The following LHX8 variants were observed in gnomAD, a reference collection of about 807,000 sequenced individuals.
LHX8 encodes the protein LIM/homeobox protein Lhx8.
In LHX8, 12 loss-of-function variants were observed where a neutral mutation model predicts 40.3. The ratio of observed to expected loss-of-function variants is 0.30; its 90% CI spans 0.19 to 0.48. The LOEUF is 0.48. Among genes scored for constraint, LHX8 ranks in the 20% least tolerant of loss-of-function variants. The probability of loss-of-function intolerance (pLI) is 0.99; values close to 1 mark genes in which losing one functional copy is unlikely to be tolerated. For missense variants in LHX8, 344 were observed against 433.7 expected (o/e 0.79, Z 1.84); for synonymous variants, 179 against 162.0 (o/e 1.10, Z -0.80).
At chr1:75,186,444 G>C in the LHX8 span, among the ~76,000 whole-genome samples, 2 of 152,178 alleles carry the variant, frequency 1.3e-5, no homozygotes, top group African/African-American at 4.8e-5. Flanking sequence ...ATGGGGAAAG[G>C]ACTCCCTATT....
intron 4 of LHX8, among the ~76,000 whole-genome samples, chr1:75,142,027 A>G (rs1183302917): frequency 6.6e-6 from 1 of 152,154 alleles, no homozygotes; most frequent in Non-Finnish European, 1.5e-5. Flanking sequence ...TAATTACCAA[A>G]AAAGCATATT....
the LHX8 span, among the ~76,000 whole-genome samples, chr1:75,181,810 G>C: frequency 6.6e-6 from 1 of 152,240 alleles, no homozygotes; most frequent in South Asian, 2.1e-4. Flanking sequence ...GACCGGAGCT[G>C]TTCCTGTTCG....
At chr1:75,149,420 G>C (rs1648546187) in intron 7 of LHX8, among the ~76,000 whole-genome samples, 1 of 152,224 alleles carries the variant, frequency 6.6e-6, no homozygotes, top group South Asian at 2.1e-4. Flanking sequence ...GGAGTTGGGA[G>C]AGACTAGATA....
chr1:75,155,328 A>G (rs142490194), intron 7 of LHX8, among the ~76,000 whole-genome samples: 1,495 of 132,728 alleles, frequency 0.011, 21 homozygotes, highest in African/African-American at 0.04. Context: ...TCCACCTCCC[A>G]GGTTCACTCC....
chr1:75,143,921 G>T lies in LHX8; in HGVS notation c.657G>T (p.Arg219=). The change falls in exon 6 of 9, where the codon CGG becomes CGT. Residue 219 remains arginine, a synonymous_variant. Transcript: ENST00000356261. ...ATCCAAAACCAGCAAAAAGAGCTCG[G>T]ACCAGCTTTACAGCAGATCAGCTTC... ...VNHPKPAKRA[R]TSFTADQLQV... is the part of the protein sequence containing the mutation. The T allele has an allele frequency of 6.2e-7, 1 of 1,613,234 alleles. No homozygotes were observed. The highest frequency in any genetic ancestry group is 8.5e-7 in the Non-Finnish European group (1 of 1,179,410).
chr1:75,192,292 G>T, the LHX8 span, among the ~76,000 whole-genome samples: 1 of 152,318 alleles, frequency 6.6e-6, no homozygotes, highest in Non-Finnish European at 1.5e-5. Context: ...ACCAAGGTCT[G>T]TAAACCATGC....
the LHX8 span, among the ~76,000 whole-genome samples, chr1:75,181,073 C>T: frequency 6.6e-6 from 1 of 152,144 alleles, no homozygotes; most frequent in African/African-American, 2.4e-5. Context: ...CTGATCCTTC[C>T]TCTGGAAGCT....
chr1:75,169,210 T>C, the LHX8 span, among the ~76,000 whole-genome samples: 15 of 152,170 alleles, frequency 9.9e-5, no homozygotes, highest in Admixed American at 7.9e-4. Flanking sequence ...CCAGTCACAC[T>C]GGCCTCCCAA....
At chr1:75,151,232 C>T (rs1648601618) in intron 7 of LHX8, among the ~76,000 whole-genome samples, 1 of 152,116 alleles carries the variant, frequency 6.6e-6, no homozygotes, top group Non-Finnish European at 1.5e-5. Flanking sequence ...CTCTAAAGAC[C>T]TAGGGTTCAC....
the LHX8 span, among the ~76,000 whole-genome samples, chr1:75,173,928 A>T: frequency 1.3e-5 from 2 of 152,086 alleles, no homozygotes; most frequent in South Asian, 2.1e-4. Flanking sequence ...AAAATCCAAA[A>T]TGCTCCAAAA....
At chr1:75,168,967 T>C in the LHX8 span, among the ~76,000 whole-genome samples, 29 of 152,208 alleles carry the variant, frequency 1.9e-4, no homozygotes, top group African/African-American at 6.8e-4. Flanking sequence ...CTTCCACCCC[T>C]TTCCCCCTAA....
At chr1:75,173,415 G>T in the LHX8 span, among the ~76,000 whole-genome samples, 1 of 114,708 alleles carries the variant, frequency 8.7e-6, no homozygotes, top group Non-Finnish European at 1.6e-5. Flanking sequence ...ACGGAATCTC[G>T]TTCTGTCGCC....
chr1:75,136,491 C>T (rs1275643726), intron 1 of LHX8, 112 bp from the exon 2 acceptor site: 5 of 823,246 alleles, frequency 6.1e-6, no homozygotes, highest in Non-Finnish European at 8.0e-6. Flanking sequence ...ACGCGCTGCC[C>T]CGCACTCTGA....
chr1:75,137,873 C>T (rs1462846611), intron 3 of LHX8, among the ~76,000 whole-genome samples: 1 of 152,116 alleles, frequency 6.6e-6, no homozygotes, highest in Non-Finnish European at 1.5e-5. Context: ...GTTTATAGGT[C>T]CATTTAAATA....
chr1:75,150,540 C>T (rs1648578202), intron 7 of LHX8, among the ~76,000 whole-genome samples: 1 of 151,756 alleles, frequency 6.6e-6, no homozygotes, highest in South Asian at 2.1e-4. Flanking sequence ...TTAAATGGGA[C>T]GTAGTAACAG....
intron 7 of LHX8, among the ~76,000 whole-genome samples, chr1:75,149,633 G>A (rs368226996): frequency 5.9e-5 from 9 of 151,998 alleles, no homozygotes; most frequent in Non-Finnish European, 1.0e-4. Flanking sequence ...TCACTGCAGC[G>A]ACCTCCAGGT....
At chr1:75,184,216 C>G in the LHX8 span, among the ~76,000 whole-genome samples, 5 of 151,744 alleles carry the variant, frequency 3.3e-5, no homozygotes, top group African/African-American at 1.2e-4. Flanking sequence ...TAGGCAGAGA[C>G]AGAAAATTAG....
At position 75,137,132 on chromosome 1, in the gene LHX8, G is replaced by T; in HGVS notation, c.108G>T (p.Ser36=). ...VSPEGAGDED[S]CSSSAPLSPS... Reference sequence around the variant, plus strand: ...CCGAGGGAGCGGGGGACGAGGACTCGTGCTCCTCCTCGGCCCCGCTGTCCC... The same window carrying T: ...CCGAGGGAGCGGGGGACGAGGACTCTTGCTCCTCCTCGGCCCCGCTGTCCC... The change falls in exon 3 of 9, where the codon TCG becomes TCT. Residue 36 remains serine (S), a synonymous_variant. Coordinates refer to ENST00000356261, the MANE Select transcript of LHX8 (RefSeq NM_001256114.2). The T allele has an allele frequency of 6.2e-7, 1 of 1,611,092 alleles. No individual in the cohort carries two copies.
chr1:75,185,616 T>C, the LHX8 span, among the ~76,000 whole-genome samples: 1 of 152,152 alleles, frequency 6.6e-6, no homozygotes, highest in Admixed American at 6.5e-5. Flanking sequence ...CTGGAAGTAT[T>C]CCTCTTGAAA....
Sources: allele counts gnomAD v4.1 joint callset (sites outside exome capture counted in the v4.1 genomes callset), GRCh38; gene constraint gnomAD v4.1.1; transcripts MANE v1.5; gene names NCBI Gene and HGNC (gene_info 2026-07-23, HGNC 2026-07-21).